The following KCNN2 variants were observed in gnomAD, a reference collection of about 807,000 sequenced individuals.
KCNN2 encodes potassium calcium-activated channel subfamily N member 2, also known as small conductance calcium-activated potassium channel protein 2.
A neutral mutation model predicts 55.5 loss-of-function variants in KCNN2; 24 were observed. That is an observed-to-expected ratio of 0.43 (90% CI 0.31 to 0.61). The LOEUF (loss-of-function observed/expected upper bound fraction) is 0.61. KCNN2 is among the 20% of genes least tolerant of loss of function. KCNN2 has a pLI of 0.08. For synonymous variants in KCNN2, 431 were observed against 336.1 expected, an observed-to-expected ratio of 1.28 and a Z score of -3.09; for missense variants, 754 against 853.6, an observed-to-expected ratio of 0.88 and a Z score of 1.45.
At chr5:114,118,814 C>T (rs545950630) in intron 1 of KCNN2, among the ~76,000 whole-genome samples, 6 of 152,136 alleles carry the variant, frequency 3.9e-5, no homozygotes, top group Non-Finnish European at 7.4e-5. Flanking sequence ...CCACATTCTG[C>T]AGGGCACAGC....
At chr5:114,165,807 C>T (rs909424731) in intron 1 of KCNN2, among the ~76,000 whole-genome samples, 5 of 152,140 alleles carry the variant, frequency 3.3e-5, no homozygotes, top group African/African-American at 1.2e-4. Context: ...ATTGGTACGC[C>T]TTCTAGTCAA....
chr5:114,368,085 A>G (rs1757655994), intron 2 of KCNN2, among the ~76,000 whole-genome samples: 1 of 152,224 alleles, frequency 6.6e-6, no homozygotes, highest in South Asian at 2.1e-4. Flanking sequence ...TGGGCCCTCC[A>G]TATCCATGGG....
intron 1 of KCNN2, among the ~76,000 whole-genome samples, chr5:114,107,447 C>T (rs1245581154): frequency 1.3e-5 from 2 of 152,058 alleles, no homozygotes; most frequent in Admixed American, 1.3e-4. Flanking sequence ...TGCAATGGCA[C>T]AATCATGGCT....
intron 5 of KCNN2, among the ~76,000 whole-genome samples, chr5:114,481,949 G>C (rs1003696439): frequency 5.3e-5 from 8 of 152,060 alleles, no homozygotes; most frequent in Middle Eastern, 3.2e-3. Flanking sequence ...AATCTAGGCA[G>C]TACCATTCAG....
At chr5:114,258,034 A>C (rs1298288166) in intron 2 of KCNN2, among the ~76,000 whole-genome samples, 1 of 152,028 alleles carries the variant, frequency 6.6e-6, no homozygotes, top group Non-Finnish European at 1.5e-5. Flanking sequence ...TAGTTTGTTG[A>C]GGGTTTTTTA....
At chr5:114,316,893 A>G (rs1355361342) in intron 2 of KCNN2, among the ~76,000 whole-genome samples, 1 of 152,232 alleles carries the variant, frequency 6.6e-6, no homozygotes, top group East Asian at 1.9e-4. Flanking sequence ...GAAAAAGGCA[A>G]GGAAAGGAAC....
intron 3 of KCNN2, among the ~76,000 whole-genome samples, chr5:114,451,832 G>A (rs1017769049): frequency 6.6e-6 from 1 of 151,462 alleles, no homozygotes; most frequent in Non-Finnish European, 1.5e-5. Flanking sequence ...GGGTGGCGGA[G>A]CTTGCAGTGA....
At chr5:114,205,133 T>A (rs535907905) in intron 1 of KCNN2, among the ~76,000 whole-genome samples, 1 of 152,286 alleles carries the variant, frequency 6.6e-6, no homozygotes, top group East Asian at 1.9e-4. Flanking sequence ...TCAAACACTG[T>A]CTGTCTTTGT....
chr5:114,438,430 G>T (rs1760087206), intron 3 of KCNN2, among the ~76,000 whole-genome samples: 1 of 152,070 alleles, frequency 6.6e-6, no homozygotes, highest in South Asian at 2.1e-4. Flanking sequence ...AGTGGTATTA[G>T]AAAAAATATA....
intron 1 of KCNN2, among the ~76,000 whole-genome samples, chr5:114,068,917 G>C (rs536948484): frequency 1.3e-5 from 2 of 151,970 alleles, no homozygotes; most frequent in Non-Finnish European, 2.9e-5. Flanking sequence ...AGATTCAACC[G>C]ATTCTCCTGC....
chr5:114,200,683 A>T (rs1457225642), intron 1 of KCNN2, among the ~76,000 whole-genome samples: 1 of 150,504 alleles, frequency 6.6e-6, no homozygotes, highest in Non-Finnish European at 1.5e-5. Flanking sequence ...AGTAGGGATA[A>T]TTTTTTTCCT....
chr5:114,241,945 C>A (rs1340562427), intron 2 of KCNN2, among the ~76,000 whole-genome samples: 1 of 149,034 alleles, frequency 6.7e-6, no homozygotes, highest in Admixed American at 6.7e-5. Context: ...CTATATAGAA[C>A]CATGAAGTAT....
intron 1 of KCNN2, among the ~76,000 whole-genome samples, chr5:114,069,600 C>A (rs1750524883): frequency 6.6e-6 from 1 of 152,134 alleles, no homozygotes; most frequent in South Asian, 2.1e-4. Context: ...CATCTATCAC[C>A]AGCAATATCT....
At chr5:114,158,446 A>T (rs923109907) in intron 1 of KCNN2, among the ~76,000 whole-genome samples, 5 of 151,998 alleles carry the variant, frequency 3.3e-5, no homozygotes, top group African/African-American at 4.8e-5. Context: ...TGATGCTTCC[A>T]GGTTTGTTCT....
At chr5:114,363,331 G>C (rs1580750355) in intron 1 of KCNN2, 70 bp downstream of exon 1, 4 of 1,458,788 alleles carry the variant, frequency 2.7e-6, no homozygotes, top group Non-Finnish European at 3.6e-6. Flanking sequence ...CACTGGCGGG[G>C]ACCCTTTGCG....
At chr5:114,316,046 C>T (rs1184478809) in intron 2 of KCNN2, among the ~76,000 whole-genome samples, 3 of 152,132 alleles carry the variant, frequency 2.0e-5, no homozygotes, top group Non-Finnish European at 4.4e-5. Context: ...AATAAGTTTA[C>T]TCATGCAGCA....
At chr5:114,407,171 C>T (rs1403648456) in intron 3 of KCNN2, among the ~76,000 whole-genome samples, 2 of 152,010 alleles carry the variant, frequency 1.3e-5, no homozygotes, top group Admixed American at 1.3e-4. Context: ...TGTTCAATCT[C>T]GAAATTCATG....
chr5:114,147,429 C>A (rs1232485057), intron 1 of KCNN2, among the ~76,000 whole-genome samples: 1 of 152,018 alleles, frequency 6.6e-6, no homozygotes, highest in Non-Finnish European at 1.5e-5. Context: ...ATTGAAGTGA[C>A]CATTTGATCA....
chr5:114,303,709 T>G (rs528335175), intron 2 of KCNN2, among the ~76,000 whole-genome samples: 3 of 152,066 alleles, frequency 2.0e-5, no homozygotes, highest in Non-Finnish European at 4.4e-5. Flanking sequence ...TAAGTTGCAA[T>G]GCAAATAGTA....
Sources: allele counts gnomAD v4.1 joint callset (sites outside exome capture counted in the v4.1 genomes callset), GRCh38; gene constraint gnomAD v4.1.1; transcripts MANE v1.5; gene names NCBI Gene and HGNC (gene_info 2026-07-23, HGNC 2026-07-21).